HHIP: variants seen among roughly 807,000 people sequenced by gnomAD.
The protein encoded by HHIP is hedgehog interacting protein.
A neutral mutation model predicts 74.0 loss-of-function variants in HHIP; 12 were observed. The observed-to-expected ratio is 0.16, with a 90% confidence interval of 0.10 to 0.26. HHIP has a LOEUF of 0.26. HHIP is among the 10% of genes least tolerant of loss of function. The probability of loss-of-function intolerance (pLI) is 1.00; values close to 1 mark genes in which losing one functional copy is unlikely to be tolerated. For missense variants in HHIP, 788 were observed against 845.0 expected (o/e 0.93, Z 0.84); for synonymous variants, 309 against 311.6 (o/e 0.99, Z 0.09).
Position 144,724,671 on chromosome 4 carries a change from T to C in HHIP, c.1760+5715T>C, listed in dbSNP as rs964226373. Reference sequence around the variant, plus strand: ...TTTTGTGTGTGTGTGTGTGTGTGTATATATATATATTTATATATATATATA... The same window carrying C: ...TTTTGTGTGTGTGTGTGTGTGTGTACATATATATATTTATATATATATATA... On this transcript the variant is annotated intron_variant, in intron 11 of 12. Transcript: ENST00000296575. Among the ~76,000 whole-genome samples the C allele has an allele frequency of 1.9e-4, 20 of 104,572 alleles. No individual in the cohort carries two copies. The South Asian group carries it at 7.8e-3, about 41-fold the overall frequency. The allele number at this position is 104,572 out of a possible 152,430, so 68.6% of individuals were successfully genotyped here.
At chr4:144,705,198 T>A (rs1730100166) in intron 4 of HHIP, among the ~76,000 whole-genome samples, 1 of 152,218 alleles carries the variant, frequency 6.6e-6, no homozygotes, top group South Asian at 2.1e-4. Flanking sequence ...AACAAATCGA[T>A]GTTTATTAAA....
Position 144,658,292 on chromosome 4 carries a change from T to A in HHIP, c.473-498T>A, listed in dbSNP as rs1217505689. The stretch of plus-strand genomic sequence containing the variant: ...TTTCACTTTTACCACAATTTTTAAA[T>A]TTAGTTTAAAACACAAATGGGAATC... On this transcript the variant is annotated intron_variant, in intron 2 of 12. Coordinates refer to ENST00000296575, the MANE Select transcript of HHIP (RefSeq NM_022475.3). Among the ~76,000 whole-genome samples, 7 of 152,168 alleles carry A rather than the reference T, an allele frequency of 4.6e-5. 1 individual carries two copies.
In HHIP at chr4:144,681,054, A is replaced by C. The variant is rs897268765; in HGVS notation, c.831+21216A>C. Among the ~76,000 whole-genome samples, 7 of 152,234 alleles carry C rather than the reference A, an allele frequency of 4.6e-5. No individual in the cohort carries two copies. In the South Asian group the frequency reaches 6.2e-4, roughly 13 times the overall value. The stretch of plus-strand genomic sequence containing the variant: ...CCAATTTTCAAAGAATGTACATAAA[A>C]GTATCATGAAAAATGTGAAAACAGC... On this transcript the variant is annotated intron_variant, in intron 4 of 12. Transcript: ENST00000296575.
chr4:144,738,616 T>A lies in HHIP; in HGVS notation c.*659T>A. The A allele has an allele frequency of 1.4e-6, 1 of 713,812 alleles. No individual in the cohort carries two copies. The highest frequency in any genetic ancestry group is 1.7e-6 in the Non-Finnish European group (1 of 582,008). The allele number at this position is 713,812 out of a possible 1,614,324, so 44.2% of individuals were successfully genotyped here. The stretch of plus-strand genomic sequence containing the variant: ...TAAATCATAATAGCATATTTTAAAA[T>A]CAATCTTCCTAAAAGGTCTGCTTTT... On this transcript the variant is annotated 3_prime_UTR_variant, in exon 13 of 13. Transcript: ENST00000296575.
In HHIP at chr4:144,646,967, C is replaced by G. The variant is rs753925134; in HGVS notation, c.279+13C>G. On this transcript the variant is annotated intron_variant, in intron 1 of 12. Transcript: ENST00000296575. The stretch of plus-strand genomic sequence containing the variant: ...CCTGGAGAATAAGGTAGGCACTCAC[C>G]GGCTTCACGGATGCGTACTTGGCAT... 1.9e-6 allele frequency: 3 copies of G among 1,581,832 alleles called. No individual in the cohort carries two copies.
chr4:144,742,851 ATATATATCTTATATATATATCTTTT>A lies in HHIP; in HGVS notation c.*4902_*4926del, dbSNP rs1731289961. ...TATTTGGTTATATATATATCTTTAT[ATATATATCTTATATATATATCTTTT>A]TATATATATCTTATATATATATCTT... On this transcript the variant is annotated 3_prime_UTR_variant, in exon 13 of 13. Coordinates refer to ENST00000296575, the MANE Select transcript of HHIP (RefSeq NM_022475.3). The A allele has an allele frequency of 1.4e-5, 2 of 138,462 alleles. No individual in the cohort carries two copies. Among genetic ancestry groups the A allele is most frequent in the Admixed American group, 1.4e-4 (2 of 13,818 alleles). The allele number at this position is 138,462 out of a possible 1,614,324, so 8.6% of individuals were successfully genotyped here.
At chr4:144,733,047 T>C (rs1320105285) in intron 11 of HHIP, among the ~76,000 whole-genome samples, 2 of 152,094 alleles carry the variant, frequency 1.3e-5, no homozygotes, top group Non-Finnish European at 2.9e-5. Context: ...GAGAAAGAAA[T>C]AGAATATACT....
intron 4 of HHIP, among the ~76,000 whole-genome samples, chr4:144,699,950 C>A (rs1729931570): frequency 1.3e-5 from 2 of 152,124 alleles, no homozygotes; most frequent in South Asian, 4.1e-4. Flanking sequence ...ATACACACAG[C>A]AAAATAACAC....
At position 144,738,550 on chromosome 4, in the gene HHIP, T is replaced by C. The variant is rs909581751; in HGVS notation, c.*593T>C. ...TTTTATTGGCTGAGAAATCTGGTTA[T>C]TTCATCTTAATCTCAAGATTGTTTT... On this transcript the variant is annotated 3_prime_UTR_variant, in exon 13 of 13. Coordinates refer to ENST00000296575, the MANE Select transcript of HHIP (RefSeq NM_022475.3). The C allele has an allele frequency of 2.3e-6, 2 of 879,990 alleles. No homozygotes were observed. Among genetic ancestry groups the C allele is most frequent in the African/African-American group, 3.6e-5 (2 of 54,870 alleles). 54.5% of individuals were successfully genotyped at this position (879,990 alleles called of 1,614,324 possible). A position where few individuals can be genotyped will look rare whatever the true frequency, so the allele number is the denominator to read the frequency against.
intron 11 of HHIP, among the ~76,000 whole-genome samples, chr4:144,729,149 G>A (rs1028078647): frequency 2.0e-5 from 3 of 152,190 alleles, no homozygotes; most frequent in South Asian, 4.1e-4. Context: ...ATTCCTATTC[G>A]TAAAGCTCCA....
At chr4:144,681,176 C>T (rs1440846314) in intron 4 of HHIP, among the ~76,000 whole-genome samples, 1 of 151,918 alleles carries the variant, frequency 6.6e-6, no homozygotes, top group Non-Finnish European at 1.5e-5. Context: ...ATGTGAAACC[C>T]ATTGAGACTA....
At chr4:144,665,710 C>A (rs1228929293) in intron 4 of HHIP, among the ~76,000 whole-genome samples, 3 of 152,054 alleles carry the variant, frequency 2.0e-5, no homozygotes, top group Non-Finnish European at 4.4e-5. Flanking sequence ...TATAAGTGTG[C>A]ATTTATGTGG....
Position 144,743,519 on chromosome 4 carries a change from A to G in HHIP, c.*5562A>G, listed in dbSNP as rs1480375233. 2 of 152,110 alleles carry G rather than the reference A, an allele frequency of 1.3e-5. No homozygotes were observed. Among genetic ancestry groups the G allele is most frequent in the Non-Finnish European group, 1.5e-5 (1 of 67,964 alleles). 9.4% of individuals were successfully genotyped at this position (152,110 alleles called of 1,614,324 possible). ...TCAGCTCAACATTAAATCTAAGGTTACTTCTCACATACATCATAAAGTCAG... is the reference window on the plus strand; with the variant it reads ...TCAGCTCAACATTAAATCTAAGGTTGCTTCTCACATACATCATAAAGTCAG... On this transcript the variant is annotated 3_prime_UTR_variant, in exon 13 of 13. Coordinates refer to ENST00000296575, the MANE Select transcript of HHIP (RefSeq NM_022475.3).
rs74522553 is a variant in HHIP, at chr4:144,727,339, T to C, written c.1761-7402T>C. 2.0e-3 allele frequency among the ~76,000 whole-genome samples: 299 copies of C among 152,226 alleles called. 3 individuals carry two copies. Among genetic ancestry groups the C allele is most frequent in the African/African-American group, 6.9e-3 (288 of 41,552 alleles). On this transcript the variant is annotated intron_variant, in intron 11 of 12. Coordinates refer to ENST00000296575, the MANE Select transcript of HHIP (RefSeq NM_022475.3). ...ATGACCTTATTTAAATCTCACTTCTTCCCAAAGACCCTGTCTCCTAATGCT... is the reference window on the plus strand; with the variant it reads ...ATGACCTTATTTAAATCTCACTTCTCCCCAAAGACCCTGTCTCCTAATGCT...
chr4:144,650,887 G>A (rs1728401928), intron 1 of HHIP: 1 of 152,122 alleles, frequency 6.6e-6, no homozygotes, highest in Non-Finnish European at 1.5e-5. Flanking sequence ...GCAGCTGAGA[G>A]AGTATATGAG....
intron 1 of HHIP, among the ~76,000 whole-genome samples, chr4:144,649,180 T>C (rs1728352290): frequency 6.6e-6 from 1 of 152,084 alleles, no homozygotes; most frequent in South Asian, 2.1e-4. Flanking sequence ...TATTTCATAA[T>C]GTGTATACAG....
chr4:144,701,871 G>A (rs59280190), intron 4 of HHIP, among the ~76,000 whole-genome samples: 6,556 of 152,174 alleles, frequency 0.043, 461 homozygotes, highest in African/African-American at 0.15. Context: ...AAGGACATTA[G>A]GGCAAATTTA....
intron 11 of HHIP, 51 bp from the exon 12 acceptor site, chr4:144,734,690 A>G: frequency 3.6e-6 from 5 of 1,393,600 alleles, no homozygotes; most frequent in Non-Finnish European, 4.9e-6. Flanking sequence ...ATTTCATTCC[A>G]CTGTTGATTT....
intron 4 of HHIP, chr4:144,661,238 A>G (rs921779814): frequency 1.3e-5 from 2 of 152,150 alleles, no homozygotes; most frequent in Non-Finnish European, 2.9e-5. Context: ...ATGTTTCATT[A>G]TGTAATAAAA....
Sources: allele counts gnomAD v4.1 joint callset (sites outside exome capture counted in the v4.1 genomes callset), GRCh38; gene constraint gnomAD v4.1.1; transcripts MANE v1.5; gene names NCBI Gene and HGNC (gene_info 2026-07-23, HGNC 2026-07-21).